Variants in STK32B observed in about 807,000 individuals in gnomAD.
STK32B encodes serine/threonine kinase 32B, also known as serine/threonine-protein kinase 32B.
In STK32B, 43 loss-of-function variants were observed where a neutral mutation model predicts 52.6. The observed-to-expected ratio is 0.82, with a 90% CI of 0.64 to 1.05. The LOEUF (loss-of-function observed/expected upper bound fraction) is 1.05, where lower values mean the gene tolerates loss of function less well. Ranked by LOEUF, STK32B falls within the 50% of genes least tolerant of loss-of-function variation. The pLI, the probability that STK32B is intolerant of heterozygous loss-of-function variation, is 0.00. For synonymous variants in STK32B, 238 were observed against 204.3 expected, an observed-to-expected ratio of 1.17 and a Z score of -1.41; for missense variants, 621 against 534.6, an observed-to-expected ratio of 1.16 and a Z score of -1.59.
At chr4:5,106,810 T>G (rs1456928372) in intron 1 of STK32B, among the ~76,000 whole-genome samples, 2 of 152,246 alleles carry the variant, frequency 1.3e-5, no homozygotes, top group Admixed American at 1.3e-4. Flanking sequence ...TTTACTAGAT[T>G]TTATTATTGC....
intron 4 of STK32B, among the ~76,000 whole-genome samples, chr4:5,339,623 C>G (rs1732938146): frequency 6.6e-6 from 1 of 152,162 alleles, no homozygotes; most frequent in Non-Finnish European, 1.5e-5. Flanking sequence ...TTGCTTCTTT[C>G]AAAGTAGCCA....
chr4:5,044,718 G>A, the STK32B span, among the ~76,000 whole-genome samples: 1 of 152,152 alleles, frequency 6.6e-6, no homozygotes, highest in South Asian at 2.1e-4. Flanking sequence ...AGCAGCCTGG[G>A]AAACACAGTG....
chr4:5,264,675 T>A (rs906038811), intron 3 of STK32B, among the ~76,000 whole-genome samples: 1 of 151,866 alleles, frequency 6.6e-6, no homozygotes, highest in African/African-American at 2.4e-5. Context: ...TAGTCCCAGC[T>A]GCTCGGGAGG....
intron 3 of STK32B, among the ~76,000 whole-genome samples, chr4:5,299,187 A>G (rs1729397626): frequency 6.6e-6 from 1 of 151,122 alleles, no homozygotes; most frequent in South Asian, 2.1e-4. Flanking sequence ...TGCAGAAATT[A>G]CCCACCTTTT....
At chr4:5,177,536 C>G (rs972268469) in intron 3 of STK32B, among the ~76,000 whole-genome samples, 9 of 152,134 alleles carry the variant, frequency 5.9e-5, no homozygotes, top group African/African-American at 2.2e-4. Flanking sequence ...TCATGCCTTC[C>G]CAACAGTCCC....
the STK32B span, among the ~76,000 whole-genome samples, chr4:5,025,036 T>G: frequency 1.3e-5 from 2 of 152,290 alleles, no homozygotes; most frequent in African/African-American, 4.8e-5. Context: ...GGCACCTTCA[T>G]TCGTGGGTCT....
chr4:5,437,028 C>T (rs189995994), intron 6 of STK32B, among the ~76,000 whole-genome samples: 38 of 152,268 alleles, frequency 2.5e-4, no homozygotes, highest in African/African-American at 9.1e-4. Flanking sequence ...GGGCTGAGCA[C>T]CAGGTCCTGG....
intron 11 of STK32B, among the ~76,000 whole-genome samples, chr4:5,496,856 C>T (rs1009568354): frequency 1.3e-5 from 2 of 150,688 alleles, no homozygotes; most frequent in African/African-American, 2.4e-5. Flanking sequence ...TTCATTTCTG[C>T]TGGTTTGCAA....
At chr4:5,423,939 G>C (rs756455552) in intron 6 of STK32B, among the ~76,000 whole-genome samples, 8 of 152,130 alleles carry the variant, frequency 5.3e-5, no homozygotes, top group Admixed American at 3.3e-4. Flanking sequence ...GCCCTCCTGG[G>C]TGCAGCTGTA....
intron 6 of STK32B, chr4:5,436,688 C>T (rs16837224): frequency 0.081 from 80,035 of 983,334 alleles, 4,044 homozygotes; most frequent in East Asian, 0.39. Context: ...GTTAGAATCA[C>T]GCAGAATTGG....
At chr4:5,116,865 T>A (rs1177889955) in intron 1 of STK32B, among the ~76,000 whole-genome samples, 2 of 152,214 alleles carry the variant, frequency 1.3e-5, no homozygotes, top group Non-Finnish European at 2.9e-5. Context: ...TCACTTCTTT[T>A]GTTAAATCTA....
the STK32B span, among the ~76,000 whole-genome samples, chr4:5,045,918 C>T: frequency 6.6e-6 from 1 of 152,130 alleles, no homozygotes; most frequent in African/African-American, 2.4e-5. Flanking sequence ...TGCCTGATTG[C>T]CCTGGCCAGA....
the STK32B span, among the ~76,000 whole-genome samples, chr4:5,027,957 C>T: frequency 3.9e-5 from 6 of 152,184 alleles, no homozygotes; most frequent in Non-Finnish European, 7.3e-5. Context: ...CTGAGACCTG[C>T]GTCTCCTTCT....
At chr4:5,180,336 ACTT>A (rs1720258973) in intron 3 of STK32B, among the ~76,000 whole-genome samples, 2 of 152,188 alleles carry the variant, frequency 1.3e-5, no homozygotes, top group South Asian at 4.1e-4. Flanking sequence ...GTCTTACTGA[ACTT>A]CTTTAATTCT....
intron 5 of STK32B, among the ~76,000 whole-genome samples, chr4:5,414,276 C>T (rs965474254): frequency 2.0e-4 from 30 of 151,710 alleles, no homozygotes; most frequent in East Asian, 5.8e-4. Flanking sequence ...TATAAAATAA[C>T]GTGTTTAACA....
intron 4 of STK32B, among the ~76,000 whole-genome samples, chr4:5,359,522 A>G (rs1734410003): frequency 6.6e-6 from 1 of 152,080 alleles, no homozygotes; most frequent in African/African-American, 2.4e-5. Context: ...CATATGTTCT[A>G]GTGGAGGGAG....
At chr4:5,168,492 G>T in intron 3 of STK32B, 42 bp downstream of exon 3, 5 of 1,568,338 alleles carry the variant, frequency 3.2e-6, no homozygotes, top group Non-Finnish European at 4.3e-6. Flanking sequence ...GTTCCCCTGT[G>T]GGGAGCCAAA....
At chr4:5,466,459 G>A (rs1717440134) in intron 9 of STK32B, among the ~76,000 whole-genome samples, 1 of 152,192 alleles carries the variant, frequency 6.6e-6, no homozygotes, top group Non-Finnish European at 1.5e-5. Context: ...GGGGCCTAAG[G>A]AAATACCTGG....
intron 3 of STK32B, among the ~76,000 whole-genome samples, chr4:5,322,975 T>G (rs970976334): frequency 3.3e-5 from 5 of 152,220 alleles, no homozygotes; most frequent in Non-Finnish European, 7.3e-5. Context: ...ACTGACCTAG[T>G]GACCTTGGAC....
Sources: allele counts gnomAD v4.1 joint callset (sites outside exome capture counted in the v4.1 genomes callset), GRCh38; gene constraint gnomAD v4.1.1; transcripts MANE v1.5; gene names NCBI Gene and HGNC (gene_info 2026-07-23, HGNC 2026-07-21).